FHOD3: variants seen among roughly 807,000 people sequenced by gnomAD.
The protein encoded by FHOD3 is formin homology 2 domain containing 3.
In FHOD3, 90 loss-of-function variants were observed where a neutral mutation model predicts 173.0. That is an observed-to-expected ratio of 0.52 (90% CI 0.44 to 0.62). The LOEUF (loss-of-function observed/expected upper bound fraction) is 0.62, where lower values mean the gene tolerates loss of function less well. FHOD3 is among the 20% of genes least tolerant of loss of function. The pLI, the probability that FHOD3 is intolerant of heterozygous loss-of-function variation, is 0.00. For missense variants in FHOD3, 1,945 were observed against 2,034.7 expected (o/e 0.96, Z 0.85); for synonymous variants, 828 against 823.0 (o/e 1.01, Z -0.10).
At chr18:36,685,139 A>T (rs765496817) in intron 15 of FHOD3, among the ~76,000 whole-genome samples, 1 of 152,188 alleles carries the variant, frequency 6.6e-6, no homozygotes, top group Admixed American at 6.5e-5. Flanking sequence ...TGTTATTCAT[A>T]TGTATATGTT....
intron 3 of FHOD3, among the ~76,000 whole-genome samples, chr18:36,408,051 G>A (rs34790455): frequency 0.16 from 24,916 of 152,132 alleles, 2,225 homozygotes; most frequent in Middle Eastern, 0.34. Flanking sequence ...TCCTGTGGGC[G>A]GAGACCCCTG....
intron 2 of FHOD3, among the ~76,000 whole-genome samples, chr18:36,369,807 TA>T (rs2047088662): frequency 1.3e-5 from 2 of 152,256 alleles, no homozygotes; most frequent in South Asian, 4.1e-4. Context: ...ACCAGTTCCC[TA>T]AAAAACCAGG....
At chr18:36,378,295 C>G (rs1893414317) in intron 3 of FHOD3, among the ~76,000 whole-genome samples, 1 of 152,144 alleles carries the variant, frequency 6.6e-6, no homozygotes, top group African/African-American at 2.4e-5. Context: ...CTTTATACCC[C>G]AAGTCTGTGA....
chr18:36,379,079 C>T (rs906707547), intron 3 of FHOD3, among the ~76,000 whole-genome samples: 2 of 152,204 alleles, frequency 1.3e-5, no homozygotes, highest in African/African-American at 4.8e-5. Context: ...ATTGATTTCT[C>T]ACCATAATGG....
At chr18:36,468,750 G>A (rs1281528457) in intron 3 of FHOD3, among the ~76,000 whole-genome samples, 1 of 152,146 alleles carries the variant, frequency 6.6e-6, no homozygotes, top group Non-Finnish European at 1.5e-5. Context: ...TTTCCCACAG[G>A]TTTCCTTCTG....
chr18:36,777,000 A>C lies in FHOD3; in HGVS notation c.4787-2448A>C, dbSNP rs577663877. On this transcript the variant is annotated intron_variant, in intron 28 of 28. Transcript: ENST00000590592. ...AACTGAGCAGTTACAGGACTAAAGCAAATGTGCAAACAGAATTGTTAAGCA... is the reference window on the plus strand; with the variant it reads ...AACTGAGCAGTTACAGGACTAAAGCCAATGTGCAAACAGAATTGTTAAGCA... Among the ~76,000 whole-genome samples the C allele has an allele frequency of 9.8e-5, 15 of 152,304 alleles. No homozygotes were observed. In the East Asian group the frequency reaches 2.9e-3, roughly 29 times the overall value.
chr18:36,760,504 A>G, intron 26 of FHOD3, 104 bp from the exon 27 acceptor site: 1 of 1,122,332 alleles, frequency 8.9e-7, no homozygotes. Flanking sequence ...TGCAAACAAA[A>G]CAAGACAGAG....
At chr18:36,692,203 A>C (rs2039006889) in intron 16 of FHOD3, among the ~76,000 whole-genome samples, 1 of 152,218 alleles carries the variant, frequency 6.6e-6, no homozygotes, top group South Asian at 2.1e-4. Context: ...CATTGTTTTA[A>C]AATATTTTAA....
intron 1 of FHOD3, among the ~76,000 whole-genome samples, chr18:36,312,841 T>G (rs1296772757): frequency 6.6e-6 from 1 of 152,160 alleles, no homozygotes; most frequent in African/African-American, 2.4e-5. Flanking sequence ...CTTCAAACAA[T>G]CATATTTATT....
chr18:36,512,655 G>A (rs1247732033), intron 5 of FHOD3, 112 bp downstream of exon 5: 1 of 758,966 alleles, frequency 1.3e-6, no homozygotes, highest in Non-Finnish European at 2.2e-6. Flanking sequence ...TTGAGAGTAA[G>A]GTGGTAAAGA....
At chr18:36,373,595 G>A (rs2047297500) in intron 3 of FHOD3, among the ~76,000 whole-genome samples, 6 of 152,208 alleles carry the variant, frequency 3.9e-5, no homozygotes. Flanking sequence ...GGAGGGTGGT[G>A]AGGTTGCAAG....
chr18:36,329,870 T>G (rs1158275737), intron 1 of FHOD3, among the ~76,000 whole-genome samples: 1 of 152,184 alleles, frequency 6.6e-6, no homozygotes, highest in African/African-American at 2.4e-5. Context: ...AACCTGAGAC[T>G]TACAAAGGGC....
chr18:36,665,352 C>G (rs2037107407), intron 14 of FHOD3, among the ~76,000 whole-genome samples: 1 of 152,216 alleles, frequency 6.6e-6, no homozygotes, highest in South Asian at 2.1e-4. Context: ...GCTTACACTT[C>G]AGTGGCAGAA....
At position 36,444,201 on chromosome 18, in the gene FHOD3, A is replaced by AAT. The variant is rs796610098; in HGVS notation, c.338-57730_338-57729insTA. Reference sequence around the variant, plus strand: ...GAGTGAGACTCCGTCTCAAAAAAAAAAAAAAAAAAAAGAATTGTAAATTTT... The same window carrying AAT: ...GAGTGAGACTCCGTCTCAAAAAAAAAATAAAAAAAAAAAGAATTGTAAATTTT... On this transcript the variant is annotated intron_variant, in intron 3 of 28. Transcript: ENST00000590592. Among the ~76,000 whole-genome samples, 788 of 151,626 alleles carry AAT rather than the reference A, an allele frequency of 5.2e-3. 50 individuals are homozygous for AAT. The East Asian group carries it at 0.12, about 24-fold the overall frequency.
intron 6 of FHOD3, among the ~76,000 whole-genome samples, chr18:36,585,114 G>A (rs897175216): frequency 3.3e-5 from 5 of 152,108 alleles, no homozygotes; most frequent in Admixed American, 2.6e-4. Context: ...TTATTCATTC[G>A]ACTTTTCTCA....
intron 27 of FHOD3, among the ~76,000 whole-genome samples, chr18:36,765,305 C>T (rs997059206): frequency 1.3e-5 from 2 of 152,140 alleles, no homozygotes; most frequent in Non-Finnish European, 2.9e-5. Context: ...TTAATTAAAG[C>T]TGCTGTCTGG....
At chr18:36,482,455 C>CT (rs1490409859) in intron 3 of FHOD3, among the ~76,000 whole-genome samples, 2 of 151,888 alleles carry the variant, frequency 1.3e-5, no homozygotes, top group Non-Finnish European at 2.9e-5. Flanking sequence ...GCGTGACCCC[C>CT]CCGCCCCGCA....
chr18:36,682,678 G>A (rs1451328218), intron 15 of FHOD3, among the ~76,000 whole-genome samples: 1 of 152,126 alleles, frequency 6.6e-6, no homozygotes, highest in Non-Finnish European at 1.5e-5. Context: ...TGCCTCCTGG[G>A]TTCAAGTGAT....
intron 3 of FHOD3, among the ~76,000 whole-genome samples, chr18:36,418,703 C>A (rs1237311065): frequency 6.6e-6 from 1 of 151,932 alleles, no homozygotes; most frequent in Non-Finnish European, 1.5e-5. Flanking sequence ...TCTCTTGAGC[C>A]CAGGTGTTTG....
Sources: gnomAD v4.1 joint callset for allele counts (sites outside exome capture counted in the v4.1 genomes callset) on GRCh38, gnomAD v4.1.1 for gene constraint, MANE v1.5 for transcripts, NCBI Gene and HGNC (gene_info 2026-07-23, HGNC 2026-07-21) for gene names.